RGS20: variants seen among roughly 807,000 people sequenced by gnomAD.
RGS20 encodes the protein gz-selective GTPase-activating protein.
In RGS20, 30 loss-of-function variants were observed where a neutral mutation model predicts 33.6. The observed-to-expected ratio is 0.89, with a 90% CI of 0.67 to 1.21. The LOEUF (loss-of-function observed/expected upper bound fraction) is 1.21, where lower values mean the gene tolerates loss of function less well. RGS20 is among the 50% of genes most tolerant of loss of function. The pLI is 0.00. For synonymous variants in RGS20, 208 were observed against 197.9 expected (o/e 1.05, Z -0.43); for missense variants, 472 against 502.4 (o/e 0.94, Z 0.58).
chr8:53,896,037 T>C (rs1427893913), intron 2 of RGS20, among the ~76,000 whole-genome samples: 2 of 152,130 alleles, frequency 1.3e-5, no homozygotes, highest in East Asian at 3.9e-4. Context: ...TCCCAGCACT[T>C]TGGGAGGCCA....
rs532609272 is a variant in RGS20 at position 53,909,254 on chromosome 8, T to C, written c.510+29652T>C. Reference sequence around the variant, plus strand: ...ATATATATATATATATATATATATATACTTTTTTTTTTTGAGACAGGGTCT... The same window carrying C: ...ATATATATATATATATATATATATACACTTTTTTTTTTTGAGACAGGGTCT... On this transcript the variant is annotated intron_variant, in intron 2 of 5. Coordinates refer to ENST00000297313, the MANE Select transcript of RGS20 (RefSeq NM_170587.4). Among the ~76,000 whole-genome samples, 86 of 107,828 alleles carry C rather than the reference T, an allele frequency of 8.0e-4. No individual in the cohort carries two copies. The East Asian group carries it at 0.014, about 17-fold the overall frequency. The allele number at this position is 107,828 out of a possible 152,430, so 70.7% of individuals were successfully genotyped here.
chr8:53,931,913 A>G (rs1170082953), intron 2 of RGS20, among the ~76,000 whole-genome samples: 1 of 152,136 alleles, frequency 6.6e-6, no homozygotes, highest in African/African-American at 2.4e-5. Flanking sequence ...CCTACAGACC[A>G]AAAGATTTCC....
At chr8:53,864,243 A>G (rs1811871590) in intron 1 of RGS20, among the ~76,000 whole-genome samples, 1 of 151,904 alleles carries the variant, frequency 6.6e-6, no homozygotes, top group Admixed American at 6.6e-5. Context: ...CAGCCTGGCC[A>G]ACATGGTGAA....
At chr8:53,934,049 A>G (rs949219123) in intron 2 of RGS20, among the ~76,000 whole-genome samples, 1 of 152,190 alleles carries the variant, frequency 6.6e-6, no homozygotes, top group Non-Finnish European at 1.5e-5. Flanking sequence ...TTTACAGACA[A>G]GCAAATGCTG....
intron 2 of RGS20, among the ~76,000 whole-genome samples, chr8:53,926,384 T>G (rs1813795884): frequency 6.6e-6 from 1 of 152,218 alleles, no homozygotes; most frequent in Middle Eastern, 3.2e-3. Flanking sequence ...ATTTTTGGAT[T>G]CTTGGTTCTC....
At chr8:53,886,230 A>T (rs1007504067) in intron 2 of RGS20, among the ~76,000 whole-genome samples, 1 of 152,216 alleles carries the variant, frequency 6.6e-6, no homozygotes, top group Non-Finnish European at 1.5e-5. Context: ...CTCAAGAGTT[A>T]AGGCGACGCT....
In RGS20 at chr8:53,889,412, C is replaced by CTTTTTT; in HGVS notation, c.510+9844_510+9849dup. On this transcript the variant is annotated intron_variant, in intron 2 of 5. Coordinates refer to ENST00000297313, the MANE Select transcript of RGS20 (RefSeq NM_170587.4). ...TCTTTCTTTCTTTCTCTCTCTCTCT[C>CTTTTTT]TTTTTTTTTTTTTTTTTTTTTTTTT... Among the ~76,000 whole-genome samples the CTTTTTT allele has an allele frequency of 4.2e-3, 176 of 41,846 alleles. 54 individuals are homozygous for CTTTTTT. The highest frequency in any genetic ancestry group is 7.9e-3 in the Non-Finnish European group (127 of 16,092). 27.5% of individuals were successfully genotyped at this position (41,846 alleles called of 152,430 possible).
chr8:53,887,834 T>A (rs1388796398), intron 2 of RGS20, among the ~76,000 whole-genome samples: 1 of 152,096 alleles, frequency 6.6e-6, no homozygotes. Flanking sequence ...AAAAATTAGC[T>A]GGGTGTGGTG....
At chr8:53,863,480 T>C (rs1764170384) in intron 1 of RGS20, among the ~76,000 whole-genome samples, 1 of 152,118 alleles carries the variant, frequency 6.6e-6, no homozygotes, top group Non-Finnish European at 1.5e-5. Flanking sequence ...CTGGTGGAAA[T>C]CCAAGCACTG....
At chr8:53,875,663 C>G (rs1380938305) in intron 1 of RGS20, among the ~76,000 whole-genome samples, 1 of 152,146 alleles carries the variant, frequency 6.6e-6, no homozygotes, top group Non-Finnish European at 1.5e-5. Context: ...CCTCCTCCCT[C>G]GTTATCATTG....
At chr8:53,953,906 T>C (rs1814783383) in intron 4 of RGS20, among the ~76,000 whole-genome samples, 170 bp from the exon 4 acceptor site, 1 of 152,224 alleles carries the variant, frequency 6.6e-6, no homozygotes, top group African/African-American at 2.4e-5. Flanking sequence ...TATTCATGTG[T>C]TTTTCCCAAA....
intron 3 of RGS20, among the ~76,000 whole-genome samples, chr8:53,946,064 CTTTA>C (rs1407450689): frequency 2.0e-5 from 3 of 152,210 alleles, no homozygotes; most frequent in Non-Finnish European, 2.9e-5. Flanking sequence ...TGATTATGCA[CTTTA>C]TTTTTCTCTA....
At chr8:53,938,415 G>T (rs1814196312) in intron 2 of RGS20, among the ~76,000 whole-genome samples, 1 of 152,200 alleles carries the variant, frequency 6.6e-6, no homozygotes. Flanking sequence ...GATAGCATTA[G>T]GAGAAATACT....
At chr8:53,881,348 C>T (rs1334992961) in intron 2 of RGS20, among the ~76,000 whole-genome samples, 1 of 151,742 alleles carries the variant, frequency 6.6e-6, no homozygotes, top group Non-Finnish European at 1.5e-5. Context: ...CCAGGGCGTC[C>T]GCGATTCCAC....
At chr8:53,938,850 T>C (rs78331426) in intron 2 of RGS20, among the ~76,000 whole-genome samples, 1 of 152,176 alleles carries the variant, frequency 6.6e-6, no homozygotes, top group Non-Finnish European at 1.5e-5. Context: ...CACAGATCTT[T>C]TGTGTCGTAT....
At chr8:53,856,214 C>T (rs910596342) in intron 1 of RGS20, among the ~76,000 whole-genome samples, 1 of 145,970 alleles carries the variant, frequency 6.9e-6, no homozygotes, top group Non-Finnish European at 1.5e-5. Flanking sequence ...ATTTATTTTT[C>T]AATTTTTTTT....
intron 2 of RGS20, among the ~76,000 whole-genome samples, chr8:53,888,996 G>T (rs908524505): frequency 6.6e-6 from 1 of 151,894 alleles, no homozygotes; most frequent in Non-Finnish European, 1.5e-5. Context: ...GAGCTATTAT[G>T]AATAATGCTA....
chr8:53,905,717 A>G (rs1040248557), intron 2 of RGS20, among the ~76,000 whole-genome samples: 2 of 152,226 alleles, frequency 1.3e-5, no homozygotes, highest in Non-Finnish European at 2.9e-5. Context: ...TCAGGTAGGC[A>G]GCTAAACCCA....
At chr8:53,905,409 G>A (rs555352477) in intron 2 of RGS20, among the ~76,000 whole-genome samples, 1 of 152,144 alleles carries the variant, frequency 6.6e-6, no homozygotes, top group Admixed American at 6.5e-5. Flanking sequence ...TGGTCTATTT[G>A]TGCTGAAGTC....
Sources: allele counts gnomAD v4.1 joint callset (sites outside exome capture counted in the v4.1 genomes callset), GRCh38; gene constraint gnomAD v4.1.1; transcripts MANE v1.5; gene names NCBI Gene and HGNC (gene_info 2026-07-23, HGNC 2026-07-21).